The following ABCC12 variants were observed in gnomAD, a reference collection of about 807,000 sequenced individuals.
ABCC12 encodes the protein ATP binding cassette subfamily C member 12, also known as ATP-binding cassette sub-family C member 12.
A neutral mutation model predicts 151.1 loss-of-function variants in ABCC12; 142 were observed. The observed-to-expected ratio is 0.94, with a 90% CI of 0.82 to 1.08. The LOEUF is 1.08. ABCC12 is among the 50% of genes least tolerant of loss of function. ABCC12 has a pLI of 0.00. For synonymous variants in ABCC12, 645 were observed against 646.4 expected, an observed-to-expected ratio of 1.00 and a Z score of 0.03; for missense variants, 1,638 against 1,691.1, an observed-to-expected ratio of 0.97 and a Z score of 0.55.
chr16:48,118,926 A>G (rs1963978477), intron 13 of ABCC12, among the ~76,000 whole-genome samples: 1 of 152,222 alleles, frequency 6.6e-6, no homozygotes, highest in Non-Finnish European at 1.5e-5. Flanking sequence ...TGGAGCAGAA[A>G]AACATGTGAA....
Position 48,139,197 on chromosome 16 carries a change from C to G in ABCC12, c.797G>C (p.Gly266Ala). 1 of 1,613,000 alleles carries G rather than the reference C, an allele frequency of 6.2e-7. No homozygotes were observed. The highest frequency in any genetic ancestry group is 8.5e-7 in the Non-Finnish European group (1 of 1,179,768). Reference sequence around the variant, plus strand: ...TATGAATATGACATACACTGATATCCCGATGAGAGCTGTGGGCCCCAGAAT... The same window carrying G: ...TATGAATATGACATACACTGATATCGCGATGAGAGCTGTGGGCCCCAGAAT... ...FFILGPTALI[G>A]ISVYVIFIPV... The change falls in exon 7 of 31, where the codon GGG becomes GCG. Residue 266 changes from glycine to alanine, a missense_variant. Physicochemically the swap from Gly to Ala is moderately conservative, Grantham distance 60 (BLOSUM62 0). Transcript: ENST00000311303.
chr16:48,091,462 G>A (rs1369567891), intron 24 of ABCC12, among the ~76,000 whole-genome samples: 1 of 152,228 alleles, frequency 6.6e-6, no homozygotes, highest in African/African-American at 2.4e-5. Context: ...TCCAGATGGT[G>A]AGAATCATCT....
chr16:48,096,558 G>GT (rs1466002863), intron 24 of ABCC12, among the ~76,000 whole-genome samples, 188 bp downstream of exon 24: 2 of 152,172 alleles, frequency 1.3e-5, no homozygotes, highest in Non-Finnish European at 2.9e-5. Flanking sequence ...AAAGCTCAGA[G>GT]ACATGATCCC....
At chr16:48,154,688 C>T (rs1965160666) in intron 1 of ABCC12, among the ~76,000 whole-genome samples, 1 of 152,230 alleles carries the variant, frequency 6.6e-6, no homozygotes, top group African/African-American at 2.4e-5. Flanking sequence ...ATTTTCCACA[C>T]CTGCCCACTT....
rs1366638448 is a variant in ABCC12 at position 48,081,357 on chromosome 16, G to A, written c.*2358C>T. On this transcript the variant is annotated 3_prime_UTR_variant, in exon 31 of 31. Coordinates refer to ENST00000311303, the MANE Select transcript of ABCC12 (RefSeq NM_001393797.1). ...GAGAGGGGTTTGCTAAGATGGTTTCGTGTCTTATACATGCAAACAGCCAAA... is the reference window on the plus strand; with the variant it reads ...GAGAGGGGTTTGCTAAGATGGTTTCATGTCTTATACATGCAAACAGCCAAA... 2.6e-5 allele frequency among the ~76,000 whole-genome samples: 4 copies of A among 152,132 alleles called. No homozygotes were observed. Among genetic ancestry groups the A allele is most frequent in the African/African-American group, 9.7e-5 (4 of 41,396 alleles).
At chr16:48,135,030 C>T (rs1049613697) in intron 8 of ABCC12, among the ~76,000 whole-genome samples, 2 of 146,142 alleles carry the variant, frequency 1.4e-5, no homozygotes, top group Non-Finnish European at 3.0e-5. Context: ...CCAGCCTGGG[C>T]GAGAGCGAGA....
At chr16:48,105,795 C>T (rs1200994550) in intron 20 of ABCC12, among the ~76,000 whole-genome samples, 1 of 152,200 alleles carries the variant, frequency 6.6e-6, no homozygotes, top group Non-Finnish European at 1.5e-5. Context: ...AGCCACCAGG[C>T]CTTCAGGGCA....
chr16:48,115,671 G>T, intron 14 of ABCC12, 53 bp from the exon 15 acceptor site: 1 of 1,544,708 alleles, frequency 6.5e-7, no homozygotes, highest in African/African-American at 1.4e-5. Flanking sequence ...TGAAGTTCTT[G>T]GGCAATGGAA....
rs1335611882 is a variant in ABCC12 at position 48,130,890 on chromosome 16, A to AT, written c.1133_1134insA (p.Phe378LeufsTer2). ...TTACATTAAACATGGCAATCACACT[A>AT]AATGCCTGAAGAACAAAAGAGAAGT... is the stretch of plus-strand genomic sequence containing the variant. On this transcript the variant is annotated frameshift_variant, in exon 10 of 31. Transcript: ENST00000311303. LOFTEE classifies it high-confidence loss of function. The AT allele has an allele frequency of 1.0e-5, 16 of 1,607,630 alleles. No homozygotes were observed. In the South Asian group the frequency reaches 1.5e-4, roughly 15 times the overall value.
At chr16:48,135,131 G>A (rs745487482) in intron 8 of ABCC12, among the ~76,000 whole-genome samples, 1 of 151,712 alleles carries the variant, frequency 6.6e-6, no homozygotes, top group Admixed American at 6.6e-5. Flanking sequence ...GATTTTGCCT[G>A]TAACTTCGCT....
At chr16:48,131,099 G>C (rs1481394188) in intron 9 of ABCC12, among the ~76,000 whole-genome samples, 1 of 152,162 alleles carries the variant, frequency 6.6e-6, no homozygotes, top group Non-Finnish European at 1.5e-5. Flanking sequence ...ATTTTGCTTT[G>C]GGATTTTCAC....
chr16:48,097,045 A>C, intron 23 of ABCC12, 143 bp from the exon 24 acceptor site: 17 of 902,360 alleles, frequency 1.9e-5, no homozygotes, highest in Non-Finnish European at 3.1e-5. Context: ...ACACACTCTC[A>C]CATAGCAAAC....
At chr16:48,125,957 C>T (rs193064406) in intron 11 of ABCC12, among the ~76,000 whole-genome samples, 29 of 152,260 alleles carry the variant, frequency 1.9e-4, no homozygotes, top group African/African-American at 6.7e-4. Flanking sequence ...AGTTAAGTCC[C>T]ACTGAGTGCC....
chr16:48,144,705 T>C (rs1388517005), intron 3 of ABCC12, among the ~76,000 whole-genome samples: 1 of 152,162 alleles, frequency 6.6e-6, no homozygotes, highest in Non-Finnish European at 1.5e-5. Flanking sequence ...TTCTTGCTGC[T>C]TGGAATCACT....
rs528987544 is a variant in ABCC12 at position 48,080,985 on chromosome 16, C to T, written c.*2730G>A. Among the ~76,000 whole-genome samples the T allele has an allele frequency of 1.3e-5, 2 of 152,296 alleles. No individual in the cohort carries two copies. Among genetic ancestry groups the T allele is most frequent in the East Asian group, 3.9e-4 (2 of 5,174 alleles). ...GTGTTGAGTGAGGGCCCATTCCTCA[C>T]AGATGATGCCTTCTATGTGTCCTCA... On this transcript the variant is annotated 3_prime_UTR_variant, in exon 31 of 31. Transcript: ENST00000311303.
In ABCC12 at chr16:48,105,419, G is replaced by C. The variant is rs115811612; in HGVS notation, c.2476-83C>G. On this transcript the variant is annotated intron_variant, in intron 20 of 30. Coordinates refer to ENST00000311303, the MANE Select transcript of ABCC12 (RefSeq NM_001393797.1). ...GAATTTTCCGGAGAATCTTTCCAGAGAGAAGAAACTAAGAAGAAGCACATG... is the reference window on the plus strand; with the variant it reads ...GAATTTTCCGGAGAATCTTTCCAGACAGAAGAAACTAAGAAGAAGCACATG... The C allele has an allele frequency of 4.4e-6, 6 of 1,353,474 alleles. No individual in the cohort carries two copies. In the South Asian group the frequency reaches 7.6e-5, roughly 17 times the overall value. 83.8% of individuals were successfully genotyped at this position (1,353,474 alleles called of 1,614,324 possible).
intron 13 of ABCC12, among the ~76,000 whole-genome samples, chr16:48,117,824 C>T (rs1963939574): frequency 6.6e-6 from 1 of 152,162 alleles, no homozygotes; most frequent in Non-Finnish European, 1.5e-5. Context: ...ATTTGCCCAG[C>T]CCCTCCACAA....
intron 4 of ABCC12, 28 bp downstream of exon 4, chr16:48,143,882 A>C (rs1233728395): frequency 4.4e-6 from 7 of 1,606,086 alleles, no homozygotes; most frequent in Non-Finnish European, 6.0e-6. Flanking sequence ...AAATGGACTA[A>C]TACAGTGACC....
At chr16:48,115,226 G>C (rs1963834383) in intron 15 of ABCC12, among the ~76,000 whole-genome samples, 189 bp downstream of exon 15, 1 of 152,154 alleles carries the variant, frequency 6.6e-6, no homozygotes, top group South Asian at 2.1e-4. Flanking sequence ...GCCATGCATG[G>C]AGTGGAAGAG....
Sources: allele counts gnomAD v4.1 joint callset (sites outside exome capture counted in the v4.1 genomes callset), GRCh38; gene constraint gnomAD v4.1.1; transcripts MANE v1.5; gene names NCBI Gene and HGNC (gene_info 2026-07-23, HGNC 2026-07-21).